The following PKIB variants were observed in gnomAD, a reference collection of about 807,000 sequenced individuals.
PKIB encodes cAMP-dependent protein kinase inhibitor beta.
Under a neutral mutation model 4.5 loss-of-function variants are expected in PKIB, and 2 were observed. That is an observed-to-expected ratio of 0.44 (90% CI 0.18 to 1.39). The LOEUF is 1.39. PKIB is among the 40% of genes most tolerant of loss of function. The pLI is 0.27. For synonymous variants in PKIB, 38 were observed against 36.0 expected, an observed-to-expected ratio of 1.06 and a Z score of -0.20; for missense variants, 94 against 92.6, an observed-to-expected ratio of 1.02 and a Z score of -0.06.
chr6:122,492,084 A>G (rs1218816224), intron 2 of PKIB, among the ~76,000 whole-genome samples: 5 of 152,154 alleles, frequency 3.3e-5, no homozygotes, highest in African/African-American at 1.2e-4. Context: ...TCAGCGCTTG[A>G]GAGGGTAGCC....
At chr6:122,482,674 C>G (rs1011955381) in intron 2 of PKIB, 5 of 151,808 alleles carry the variant, frequency 3.3e-5, no homozygotes, top group African/African-American at 1.2e-4. Context: ...CCTCATCCTC[C>G]TGAGTAGCTG....
At chr6:122,572,871 A>G (rs1321937993) in intron 2 of PKIB, among the ~76,000 whole-genome samples, 2 of 152,178 alleles carry the variant, frequency 1.3e-5, no homozygotes, top group Non-Finnish European at 2.9e-5. Flanking sequence ...TAGAAAATCT[A>G]GAGGAAATGG....
chr6:122,699,929 G>A (rs1778728209), intron 3 of PKIB, among the ~76,000 whole-genome samples: 1 of 152,014 alleles, frequency 6.6e-6, no homozygotes, highest in African/African-American at 2.4e-5. Context: ...AATGTTATGG[G>A]GGATACCATG....
intron 2 of PKIB, chr6:122,585,908 TTCTC>T (rs1773835285): frequency 6.6e-6 from 1 of 152,156 alleles, no homozygotes; most frequent in Non-Finnish European, 1.5e-5. Flanking sequence ...GTTTTTCTCT[TTCTC>T]TCTCTTAGGT....
chr6:122,487,725 A>G (rs1394822223), intron 2 of PKIB, among the ~76,000 whole-genome samples: 1 of 152,142 alleles, frequency 6.6e-6, no homozygotes. Context: ...TTGATCATAG[A>G]CTTCCCAACC....
At chr6:122,711,264 TC>T (rs1260513628) in intron 3 of PKIB, among the ~76,000 whole-genome samples, 1 of 152,156 alleles carries the variant, frequency 6.6e-6, no homozygotes, top group African/African-American at 2.4e-5. Flanking sequence ...TTTATTTTTA[TC>T]CCTGTAGATA....
intron 2 of PKIB, among the ~76,000 whole-genome samples, chr6:122,653,182 T>C (rs189087212): frequency 3.3e-4 from 50 of 152,292 alleles, no homozygotes; most frequent in African/African-American, 7.9e-4. Flanking sequence ...ACTTAAAATG[T>C]TTAAAATGTA....
rs77872307 is a variant in PKIB, at chr6:122,568,144, TA to T, written c.-247-17767del. Reference sequence around the variant, plus strand: ...ATCACAAACAACATTGCATTTATAATAAAAAAAAAAGTTTCAAAGGTAATAT... The same window carrying T: ...ATCACAAACAACATTGCATTTATAATAAAAAAAAAGTTTCAAAGGTAATAT... On this transcript the variant is annotated intron_variant, in intron 2 of 6. Coordinates refer to the PKIB transcript ENST00000392491. Among the ~76,000 whole-genome samples, 919 of 147,836 alleles carry T rather than the reference TA, an allele frequency of 6.2e-3. 4 individuals carry two copies. Among genetic ancestry groups the T allele is most frequent in the African/African-American group, 0.019 (784 of 40,356 alleles).
intron 2 of PKIB, among the ~76,000 whole-genome samples, chr6:122,511,861 G>T (rs760712632): frequency 6.6e-6 from 1 of 152,132 alleles, no homozygotes; most frequent in Non-Finnish European, 1.5e-5. Context: ...TAGTGGGAGC[G>T]GGCTTAACTA....
At chr6:122,475,143 C>G (rs552550868) in intron 1 of PKIB, among the ~76,000 whole-genome samples, 1 of 152,248 alleles carries the variant, frequency 6.6e-6, no homozygotes, top group East Asian at 1.9e-4. Flanking sequence ...CAGCGATTCT[C>G]CTGCAACCGC....
intron 2 of PKIB, among the ~76,000 whole-genome samples, chr6:122,646,786 T>C (rs756345768): frequency 5.9e-5 from 9 of 152,188 alleles, no homozygotes; most frequent in Non-Finnish European, 1.3e-4. Flanking sequence ...GCAAGTAGTT[T>C]ATTATATTGG....
intron 2 of PKIB, among the ~76,000 whole-genome samples, chr6:122,673,828 A>G (rs1777559375): frequency 6.6e-6 from 1 of 152,242 alleles, no homozygotes; most frequent in Non-Finnish European, 1.5e-5. Context: ...AGCAGACACT[A>G]AACTGAAATG....
chr6:122,482,079 G>C (rs909783244), intron 2 of PKIB: 1 of 151,798 alleles, frequency 6.6e-6, no homozygotes, highest in South Asian at 2.1e-4. Flanking sequence ...TCCTGCCTCA[G>C]CCTCGCGAGT....
intron 2 of PKIB, among the ~76,000 whole-genome samples, chr6:122,561,988 G>GTTTTTTTTTT (rs796363707): frequency 8.2e-5 from 2 of 24,264 alleles, no homozygotes; most frequent in Non-Finnish European, 8.3e-5. Flanking sequence ...TTTTTTGTTT[G>GTTTTTTTTTT]TTTTTGTTTT....
chr6:122,538,823 C>T (rs181073354), intron 2 of PKIB, among the ~76,000 whole-genome samples: 2 of 152,204 alleles, frequency 1.3e-5, no homozygotes, highest in East Asian at 3.9e-4. Context: ...ATGGAATCTT[C>T]TTCCATTTGT....
At chr6:122,543,286 C>T (rs1231186871) in intron 2 of PKIB, among the ~76,000 whole-genome samples, 4 of 151,952 alleles carry the variant, frequency 2.6e-5, no homozygotes, top group East Asian at 3.9e-4. Context: ...CACCCATCTT[C>T]TGCATCGCTC....
intron 2 of PKIB, among the ~76,000 whole-genome samples, chr6:122,648,109 C>T (rs1182591811): frequency 6.6e-6 from 1 of 152,190 alleles, no homozygotes; most frequent in African/African-American, 2.4e-5. Context: ...TCCTTCTTTG[C>T]CTGTTGATTC....
chr6:122,682,851 G>C (rs1244759215), intron 3 of PKIB, among the ~76,000 whole-genome samples: 1 of 152,140 alleles, frequency 6.6e-6, no homozygotes, highest in Non-Finnish European at 1.5e-5. Context: ...GGATGATTAT[G>C]GTGCATAGTA....
intron 2 of PKIB, among the ~76,000 whole-genome samples, chr6:122,577,740 T>C (rs1737260811): frequency 6.6e-6 from 1 of 151,818 alleles, no homozygotes; most frequent in Admixed American, 6.6e-5. Flanking sequence ...AAACCCCGTC[T>C]CTACTAAAAA....
Sources: allele counts gnomAD v4.1 joint callset (sites outside exome capture counted in the v4.1 genomes callset), GRCh38; gene constraint gnomAD v4.1.1; transcripts MANE v1.5; gene names NCBI Gene and HGNC (gene_info 2026-07-23, HGNC 2026-07-21).